Variants in RSU1 observed in about 807,000 individuals in gnomAD.
The protein encoded by RSU1 is Ras suppressor protein 1, also known as rsu-1.
RSU1 carries 26 observed loss-of-function variants against 31.1 expected under a neutral mutation model. The ratio of observed to expected loss-of-function variants is 0.84; its 90% confidence interval spans 0.61 to 1.16. The LOEUF (loss-of-function observed/expected upper bound fraction) is 1.16. RSU1 is among the 50% of genes most tolerant of loss of function. The pLI, the probability that RSU1 is intolerant of heterozygous loss-of-function variation, is 0.00. For missense variants in RSU1, 320 were observed against 339.1 expected (o/e 0.94, Z 0.44); for synonymous variants, 164 against 136.3 (o/e 1.20, Z -1.41).
chr10:16,687,465 C>G (rs528203004), intron 8 of RSU1, among the ~76,000 whole-genome samples: 1 of 152,082 alleles, frequency 6.6e-6, no homozygotes, highest in Non-Finnish European at 1.5e-5. Flanking sequence ...GGGAAAAATA[C>G]TAGTTACCTG....
intron 7 of RSU1, among the ~76,000 whole-genome samples, chr10:16,743,549 T>C (rs962844133): frequency 1.3e-5 from 2 of 152,170 alleles, no homozygotes; most frequent in Admixed American, 6.5e-5. Context: ...TAGTGATCAA[T>C]TGACAAAGTC....
rs186491282 is a variant in RSU1, at chr10:16,730,079, G to A, written c.598+22460C>T. 5.0e-3 allele frequency among the ~76,000 whole-genome samples: 758 copies of A among 152,316 alleles called. 26 individuals are homozygous for A. The highest frequency in any genetic ancestry group is 0.045 in the Admixed American group (695 of 15,300). ...GCTTCCGCTCAAGGCAGAAGGGGAA[G>A]GGGAGCTGTTGTGTATAGATGACAG... On this transcript the variant is annotated intron_variant, in intron 7 of 8. Transcript: ENST00000345264.
intron 8 of RSU1, among the ~76,000 whole-genome samples, chr10:16,601,211 C>G (rs571316215): frequency 6.6e-6 from 1 of 152,346 alleles, no homozygotes; most frequent in Non-Finnish European, 1.5e-5. Context: ...CCACCTTCCA[C>G]AGGTCTGTCC....
chr10:16,610,840 G>T (rs1833880721), intron 8 of RSU1, among the ~76,000 whole-genome samples: 1 of 152,172 alleles, frequency 6.6e-6, no homozygotes, highest in Non-Finnish European at 1.5e-5. Context: ...AAAAAGGCTG[G>T]AAACTGCTGG....
At chr10:16,722,857 T>TACATATATGTATATATACACACAC in intron 7 of RSU1, among the ~76,000 whole-genome samples, 1 of 132,854 alleles carries the variant, frequency 7.5e-6, no homozygotes, top group Admixed American at 7.9e-5. Context: ...TACACACATA[T>TACATATATGTATATATACACACAC]ATACATATAT....
chr10:16,702,866 A>T (rs1182839675), intron 7 of RSU1, among the ~76,000 whole-genome samples: 1 of 152,168 alleles, frequency 6.6e-6, no homozygotes, highest in Admixed American at 6.5e-5. Flanking sequence ...GGGCAGAATG[A>T]TATCGTTTGG....
chr10:16,783,223 T>C (rs1419061745), intron 2 of RSU1, among the ~76,000 whole-genome samples: 1 of 152,024 alleles, frequency 6.6e-6, no homozygotes, highest in Non-Finnish European at 1.5e-5. Flanking sequence ...CAATATTATT[T>C]CTTTAAGAAC....
intron 8 of RSU1, among the ~76,000 whole-genome samples, chr10:16,688,826 C>A (rs530276756): frequency 1.3e-5 from 2 of 151,860 alleles, no homozygotes; most frequent in South Asian, 2.1e-4. Context: ...CATAGCAAGA[C>A]CCCCAGTCTC....
At chr10:16,638,545 C>T (rs147385388) in intron 8 of RSU1, among the ~76,000 whole-genome samples, 2 of 152,246 alleles carry the variant, frequency 1.3e-5, no homozygotes, top group African/African-American at 4.8e-5. Context: ...AGGACAGGGG[C>T]CCCAAGGTGT....
intron 8 of RSU1, among the ~76,000 whole-genome samples, chr10:16,613,749 A>G (rs1459018749): frequency 6.6e-6 from 1 of 152,082 alleles, no homozygotes; most frequent in African/African-American, 2.4e-5. Context: ...CCTGATATGC[A>G]TCAGAGAAAA....
At chr10:16,652,225 T>TAAACA (rs1054808089) in intron 8 of RSU1, among the ~76,000 whole-genome samples, 31 of 151,896 alleles carry the variant, frequency 2.0e-4, no homozygotes, top group Admixed American at 2.0e-3. Flanking sequence ...AGGAAGATAA[T>TAAACA]AAACAAAACA....
At chr10:16,618,240 T>C (rs1272137889) in intron 8 of RSU1, among the ~76,000 whole-genome samples, 2 of 152,180 alleles carry the variant, frequency 1.3e-5, no homozygotes, top group African/African-American at 4.8e-5. Context: ...TCATCACCAC[T>C]GGTCATTAGA....
Position 16,695,170 on chromosome 10 carries a change from A to AGGGGG in RSU1, c.599-16_599-15insCCCCC, listed in dbSNP as rs770924888. 122 of 1,354,586 alleles carry AGGGGG rather than the reference A, an allele frequency of 9.0e-5. No individual in the cohort carries two copies. The highest frequency in any genetic ancestry group is 2.7e-4 in the African/African-American group (17 of 63,468). The allele number at this position is 1,354,586 out of a possible 1,614,324, so 83.9% of individuals were successfully genotyped here. On this transcript the variant is annotated splice_polypyrimidine_tract_variant and intron_variant, in intron 7 of 8. Coordinates refer to ENST00000345264, the MANE Select transcript of RSU1 (RefSeq NM_012425.4). ...ATCCAAGTTTCCTGGGGGGGGGGAA[A>AGGGGG]AAAAAAGTGAAGGTCACTTCATCCA...
Position 16,731,742 on chromosome 10 carries a change from A to C in RSU1, c.598+20797T>G, listed in dbSNP as rs1026449604. On this transcript the variant is annotated intron_variant, in intron 7 of 8. Coordinates refer to ENST00000345264, the MANE Select transcript of RSU1 (RefSeq NM_012425.4). The stretch of plus-strand genomic sequence containing the variant: ...TTTAATCTGCATTTCATTGACTGCT[A>C]CTAAGGCTGACCAGTTTTTTATAGG... Among the ~76,000 whole-genome samples the C allele has an allele frequency of 7.2e-5, 11 of 152,200 alleles. No homozygotes were observed. In the South Asian group the frequency reaches 1.2e-3, roughly 17 times the overall value.
chr10:16,661,287 C>CGTGCGTGT (rs1554764459), intron 8 of RSU1, among the ~76,000 whole-genome samples: 2 of 132,830 alleles, frequency 1.5e-5, no homozygotes, highest in African/African-American at 5.9e-5. Flanking sequence ...GTAGAGAGTG[C>CGTGCGTGT]GTGTGTGTGT....
chr10:16,758,769 C>T (rs1389189151), intron 4 of RSU1, among the ~76,000 whole-genome samples: 5 of 152,142 alleles, frequency 3.3e-5, no homozygotes, highest in Admixed American at 6.5e-5. Flanking sequence ...TAGCCCTAAG[C>T]GAGCAAGCTC....
intron 8 of RSU1, among the ~76,000 whole-genome samples, chr10:16,641,087 C>T (rs1001772683): frequency 2.0e-5 from 3 of 152,160 alleles, no homozygotes; most frequent in African/African-American, 7.2e-5. Flanking sequence ...TTGACAGGTG[C>T]AGCAGTCCAC....
At chr10:16,750,578 A>G (rs1399769202) in intron 7 of RSU1, among the ~76,000 whole-genome samples, 2 of 152,194 alleles carry the variant, frequency 1.3e-5, no homozygotes, top group Non-Finnish European at 2.9e-5. Flanking sequence ...GTCTGATAAA[A>G]TAATTGTTTA....
chr10:16,606,620 G>A (rs1833810122), intron 8 of RSU1, among the ~76,000 whole-genome samples: 1 of 152,170 alleles, frequency 6.6e-6, no homozygotes, highest in African/African-American at 2.4e-5. Context: ...TGTGCACACA[G>A]GAAGCTTCTC....
Sources: gnomAD v4.1 joint callset for allele counts (sites outside exome capture counted in the v4.1 genomes callset) on GRCh38, gnomAD v4.1.1 for gene constraint, MANE v1.5 for transcripts, NCBI Gene and HGNC (gene_info 2026-07-23, HGNC 2026-07-21) for gene names.